Variants in NPEPL1 observed in about 807,000 individuals in gnomAD.
NPEPL1 encodes probable aminopeptidase NPEPL1.
Under a neutral mutation model 52.4 loss-of-function variants are expected in NPEPL1, and 45 were observed. The ratio of observed to expected loss-of-function variants is 0.86; its 90% CI spans 0.68 to 1.10. The LOEUF is 1.10. Ranked by LOEUF, NPEPL1 falls within the 50% of genes least tolerant of loss-of-function variation. NPEPL1 has a pLI of 0.00. For synonymous variants in NPEPL1, 360 were observed against 314.7 expected (o/e 1.14, Z -1.52); for missense variants, 696 against 710.9 (o/e 0.98, Z 0.24).
rs898438469 is a variant in NPEPL1 at position 58,713,207 on chromosome 20, G to A, written c.1002-213G>A. On this transcript the variant is annotated intron_variant, in intron 8 of 11. Transcript: ENST00000356091. This position sits in a 1 kb window ranked among gnomAD's most constrained non-coding sequence, Gnocchi z 4.6. ...CTGGTCTCTGGCTCTCCAGAGCAGCGGGGCAGGGATGTCACCTGGAAGCCC... is the reference window on the plus strand; with the variant it reads ...CTGGTCTCTGGCTCTCCAGAGCAGCAGGGCAGGGATGTCACCTGGAAGCCC... 7.5e-5 allele frequency: 41 copies of A among 545,786 alleles called. No individual in the cohort carries two copies. The highest frequency in any genetic ancestry group is 9.9e-5 in the Non-Finnish European group (31 of 314,068). 33.8% of individuals were successfully genotyped at this position (545,786 alleles called of 1,614,324 possible). A position where few individuals can be genotyped will look rare whatever the true frequency, so the allele number is the denominator to read the frequency against.
upstream of NPEPL1, chr20:58,691,834 A>T: frequency 6.5e-7 from 1 of 1,541,682 alleles, no homozygotes; most frequent in Non-Finnish European, 8.8e-7. Context: ...ATGTTGGGTA[A>T]CAGATTTTTG....
chr20:58,694,973 CATGTGTTGTATGTGTGGGGGGTG>C (rs1345063493), intron 3 of NPEPL1, among the ~76,000 whole-genome samples: 9 of 26,244 alleles, frequency 3.4e-4, no homozygotes, highest in Admixed American at 9.1e-4. Flanking sequence ...AGTGTATGTG[CATGTGTTGTATGTGTGGGGGGTG>C]TGTGTGTGCA....
At chr20:58,697,179 GTCC>G (rs1485828275) in intron 3 of NPEPL1, among the ~76,000 whole-genome samples, 1 of 152,184 alleles carries the variant, frequency 6.6e-6, no homozygotes, top group African/African-American at 2.4e-5. Flanking sequence ...AGAATGAGTG[GTCC>G]TCCTCTCATG....
In NPEPL1 at chr20:58,714,552, C is replaced by G. The variant is rs941431105; in HGVS notation, c.1303-8C>G. The G allele has an allele frequency of 5.1e-6, 8 of 1,564,790 alleles. No homozygotes were observed. The highest frequency in any genetic ancestry group is 6.9e-6 in the Non-Finnish European group (8 of 1,158,508). ...CCCACAGGCACTGTGTCCTCCTGGC[C>G]TCCCTAGGACCGAGACAACAGCCCC... On this transcript the variant is annotated splice_polypyrimidine_tract_variant and splice_region_variant and intron_variant, in intron 10 of 11. Transcript: ENST00000356091.
At chr20:58,714,995 G>A (rs962691597) in intron 11 of NPEPL1, 173 bp from the exon 12 acceptor site, 19 of 746,342 alleles carry the variant, frequency 2.5e-5, no homozygotes, top group African/African-American at 5.3e-5. Flanking sequence ...AGCCCTGAAC[G>A]TGTCCAGCCA....
upstream of NPEPL1, chr20:58,691,106 A>G: frequency 1.4e-6 from 1 of 702,966 alleles, no homozygotes; most frequent in Non-Finnish European, 2.6e-6. Flanking sequence ...CTGTCAGGGC[A>G]TGGCCTTAGT....
At chr20:58,705,156 T>A (rs6026458) in intron 6 of NPEPL1, among the ~76,000 whole-genome samples, 31,074 of 152,168 alleles carry the variant, frequency 0.2, 6,199 homozygotes, top group African/African-American at 0.52. Flanking sequence ...CAATAAATAA[T>A]GTCAGCTGTT....
At chr20:58,711,105 T>TCCC (rs1329079557) in intron 7 of NPEPL1, 3 of 28,676 alleles carry the variant, frequency 1.0e-4, no homozygotes, top group African/African-American at 2.6e-4. Flanking sequence ...CTCCTCCTCC[T>TCCC]CCCCCCCTCC....
chr20:58,691,125 C>G (rs1167047562), upstream of NPEPL1: 1 of 703,288 alleles, frequency 1.4e-6, no homozygotes, highest in Non-Finnish European at 2.6e-6. Flanking sequence ...GTCTCTCACC[C>G]TCTAGGAAGA....
intron 6 of NPEPL1, among the ~76,000 whole-genome samples, chr20:58,702,778 AACAGATAC>A (rs760253831): frequency 6.6e-6 from 1 of 152,226 alleles, no homozygotes; most frequent in Non-Finnish European, 1.5e-5. Context: ...CTCGTGAGGC[AACAGATAC>A]ACAGATACTT....
At position 58,713,666 on chromosome 20, in the gene NPEPL1, G is replaced by A. The variant is rs894104932; in HGVS notation, c.1125+123G>A. On this transcript the variant is annotated intron_variant, in intron 9 of 11. Coordinates refer to ENST00000356091, the MANE Select transcript of NPEPL1 (RefSeq NM_024663.4). This position sits in a 1 kb window ranked among gnomAD's most constrained non-coding sequence, Gnocchi z 4.6. ...TCAGGAAGTTTTCATAACTGGGCAC[G>A]AGGAGGCAGGAGGAGCTGCCCGTCA... The A allele has an allele frequency of 7.6e-6, 10 of 1,322,588 alleles. No homozygotes were observed. Among genetic ancestry groups the A allele is most frequent in the African/African-American group, 4.4e-5 (3 of 67,634 alleles). 81.9% of individuals were successfully genotyped at this position (1,322,588 alleles called of 1,614,324 possible).
intron 7 of NPEPL1, among the ~76,000 whole-genome samples, chr20:58,709,946 AC>A (rs1486489764): frequency 1.4e-5 from 2 of 147,828 alleles, no homozygotes; most frequent in East Asian, 2.0e-4. Context: ...GGTGATTACT[AC>A]CCCCTGCTGC....
In NPEPL1 at chr20:58,713,892, G is replaced by A. The variant is rs1399679652; in HGVS notation, c.1126-25G>A. 1.0e-5 allele frequency: 15 copies of A among 1,440,598 alleles called. No homozygotes were observed. Among genetic ancestry groups the A allele is most frequent in the Non-Finnish European group, 1.4e-5 (15 of 1,100,040 alleles). The allele number at this position is 1,440,598 out of a possible 1,614,324, so 89.2% of individuals were successfully genotyped here. A position where few individuals can be genotyped will look rare whatever the true frequency, so the allele number is the denominator to read the frequency against. On this transcript the variant is annotated intron_variant, in intron 9 of 11. Transcript: ENST00000356091. The surrounding 1 kb of genome is among the most constrained non-coding windows in gnomAD (Gnocchi z 4.6). ...TTCTCTCCTGCCGTCCCGTCCACAC[G>A]CTTCCCGGGTTCCTGCCCGCCCAGG...
In NPEPL1 at chr20:58,715,619, T is replaced by G; in HGVS notation, c.*293T>G. On this transcript the variant is annotated 3_prime_UTR_variant, in exon 12 of 12. Coordinates refer to ENST00000356091, the MANE Select transcript of NPEPL1 (RefSeq NM_024663.4). ...GCACCCCGGGGTGAGGCCTCCTGCCTGCCTGGTGCCCTGTCCCAGCCCCAG... is the reference window on the plus strand; with the variant it reads ...GCACCCCGGGGTGAGGCCTCCTGCCGGCCTGGTGCCCTGTCCCAGCCCCAG... The G allele has an allele frequency of 3.8e-6, 1 of 266,506 alleles. No individual in the cohort carries two copies. The highest frequency in any genetic ancestry group is 7.1e-6 in the Non-Finnish European group (1 of 141,104). The allele number at this position is 266,506 out of a possible 1,614,324, so 16.5% of individuals were successfully genotyped here. A position where few individuals can be genotyped will look rare whatever the true frequency, so the allele number is the denominator to read the frequency against.
In NPEPL1 at chr20:58,713,483, T is replaced by C. The variant is rs758743487; in HGVS notation, c.1065T>C (p.Tyr355=). Residue 355 remains tyrosine, a synonymous_variant, in exon 9 of 12, where the codon TAT becomes TAC. Coordinates refer to ENST00000356091, the MANE Select transcript of NPEPL1 (RefSeq NM_024663.4). This position sits in a 1 kb window ranked among gnomAD's most constrained non-coding sequence, Gnocchi z 4.6. ...GRLVLADGVS[Y]ACKDLGADII... ...TGGTGCTGGCAGATGGCGTGTCCTA[T>C]GCTTGCAAGGACCTGGGGGCCGACA... 14 of 1,611,556 alleles carry C rather than the reference T, an allele frequency of 8.7e-6. No individual in the cohort carries two copies. The highest frequency in any genetic ancestry group is 7.6e-6 in the Non-Finnish European group (9 of 1,179,166).
intron 6 of NPEPL1, chr20:58,705,585 G>A (rs978710474): frequency 2.4e-5 from 11 of 454,790 alleles, no homozygotes; most frequent in East Asian, 6.9e-5. Context: ...TGTCAGCCCC[G>A]TGAAAAAGGC....
At chr20:58,698,861 C>A in intron 4 of NPEPL1, 88 bp downstream of exon 4, 1 of 1,151,464 alleles carries the variant, frequency 8.7e-7, no homozygotes, top group Non-Finnish European at 1.3e-6. Context: ...CTGGGGCTGT[C>A]CACACCCTGA....
In NPEPL1 at chr20:58,707,284, A is replaced by G. The variant is rs1192914754; in HGVS notation, c.900+84A>G. 14 of 1,225,206 alleles carry G rather than the reference A, an allele frequency of 1.1e-5. No homozygotes were observed. In the Admixed American group the frequency reaches 1.8e-4, roughly 16 times the overall value. The allele number at this position is 1,225,206 out of a possible 1,614,324, so 75.9% of individuals were successfully genotyped here. A position where few individuals can be genotyped will look rare whatever the true frequency, so the allele number is the denominator to read the frequency against. On this transcript the variant is annotated intron_variant, in intron 7 of 11. Transcript: ENST00000356091. ...CCCTCTCCCCTGTCCGTCCCGCCAC[A>G]GGCCCCACCAGGGTCCTACCCGAGT...
intron 6 of NPEPL1, among the ~76,000 whole-genome samples, chr20:58,704,585 T>C (rs1363037466): frequency 6.6e-6 from 1 of 152,088 alleles, no homozygotes; most frequent in African/African-American, 2.4e-5. Context: ...ACTGAGAGAG[T>C]AGCATTGTTG....
Sources: allele counts gnomAD v4.1 joint callset (sites outside exome capture counted in the v4.1 genomes callset), GRCh38; gene constraint gnomAD v4.1.1; non-coding constraint Gnocchi (gnomAD v3.1); transcripts MANE v1.5; gene names NCBI Gene and HGNC (gene_info 2026-07-23, HGNC 2026-07-21).